The following TCAIM variants were observed in gnomAD, a reference collection of about 807,000 sequenced individuals.
TCAIM encodes T cell activation inhibitor, mitochondrial.
Under a neutral mutation model 58.6 loss-of-function variants are expected in TCAIM, and 36 were observed. The ratio of observed to expected loss-of-function variants is 0.61; its 90% CI spans 0.47 to 0.81. The LOEUF (loss-of-function observed/expected upper bound fraction) is 0.81, where lower values mean the gene tolerates loss of function less well. TCAIM is among the 30% of genes least tolerant of loss of function. The probability of loss-of-function intolerance (pLI) is 0.00; values close to 1 mark genes in which losing one functional copy is unlikely to be tolerated. For synonymous variants in TCAIM, 172 were observed against 193.6 expected (o/e 0.89, Z 0.93); for missense variants, 466 against 579.6 (o/e 0.80, Z 2.01).
At chr3:44,345,625 C>T (rs1401685966) in intron 1 of TCAIM, among the ~76,000 whole-genome samples, 3 of 151,902 alleles carry the variant, frequency 2.0e-5, no homozygotes, top group South Asian at 2.1e-4. Context: ...GGATTAGAAA[C>T]GGCTAGGAGA....
intron 6 of TCAIM, among the ~76,000 whole-genome samples, chr3:44,396,037 C>G (rs1239823629): frequency 6.6e-6 from 1 of 152,218 alleles, no homozygotes; most frequent in Admixed American, 6.5e-5. Context: ...GTAGTTGGAA[C>G]TTGAATCTAA....
intron 1 of TCAIM, among the ~76,000 whole-genome samples, chr3:44,344,312 AAATGCTTCTG>A (rs1700919222): frequency 2.0e-5 from 3 of 152,180 alleles, no homozygotes; most frequent in South Asian, 4.1e-4. Flanking sequence ...AATGCTTCTG[AAATGCTTCTG>A]AAATGTGCTA....
chr3:44,380,316 G>A (rs927288002), intron 5 of TCAIM, among the ~76,000 whole-genome samples: 9 of 152,092 alleles, frequency 5.9e-5, no homozygotes, highest in Non-Finnish European at 1.2e-4. Flanking sequence ...TATTTAAGGT[G>A]ATGGATATAC....
At chr3:44,363,920 CT>C (rs56361211) in intron 4 of TCAIM, among the ~76,000 whole-genome samples, 1,239 of 67,296 alleles carry the variant, frequency 0.018, 32 homozygotes, top group African/African-American at 0.044. Context: ...GCAAGTCTGT[CT>C]TTTTTTTTTT....
intron 8 of TCAIM, among the ~76,000 whole-genome samples, chr3:44,399,473 G>T (rs1024687666): frequency 2.6e-5 from 4 of 151,944 alleles, no homozygotes; most frequent in South Asian, 4.1e-4. Context: ...CTTCTAAAAG[G>T]CCCTGGCTTT....
At chr3:44,344,850 G>A (rs374658045) in intron 1 of TCAIM, among the ~76,000 whole-genome samples, 172 of 152,194 alleles carry the variant, frequency 1.1e-3, no homozygotes, top group African/African-American at 4.0e-3. Context: ...TGCGGGCAGG[G>A]GCGGGGGTCA....
chr3:44,392,496 G>T (rs1701854192), intron 5 of TCAIM, among the ~76,000 whole-genome samples: 1 of 152,106 alleles, frequency 6.6e-6, no homozygotes, highest in African/African-American at 2.4e-5. Context: ...CTTCAAGTGG[G>T]TCCCAGTGTC....
chr3:44,369,596 C>G (rs941788801), intron 5 of TCAIM, among the ~76,000 whole-genome samples: 5 of 152,170 alleles, frequency 3.3e-5, no homozygotes, highest in Non-Finnish European at 7.3e-5. Context: ...GCCAACTCAA[C>G]AAGATAAGTG....
Position 44,407,585 on chromosome 3 carries a change from A to G in TCAIM, c.1394A>G (p.His465Arg), listed in dbSNP as rs770867649. The change falls in exon 11 of 11, where the codon CAT becomes CGT. Residue 465 changes from histidine (H) to arginine (R), a missense_variant. Coordinates refer to ENST00000342649, the MANE Select transcript of TCAIM (RefSeq NM_173826.4). Reference protein sequence around the residue: ...RLLEQSLPYLHGMHLCISHFY... With the variant: ...RLLEQSLPYLRGMHLCISHFY... ...CTAGAACAATCACTGCCTTACCTACATGGGATGCACCTCTGCATTTCACAT... is the reference window on the plus strand; with the variant it reads ...CTAGAACAATCACTGCCTTACCTACGTGGGATGCACCTCTGCATTTCACAT... 2.5e-6 allele frequency: 4 copies of G among 1,613,910 alleles called. No homozygotes were observed. In the African/African-American group the frequency reaches 4.0e-5, roughly 16 times the overall value.
intron 5 of TCAIM, among the ~76,000 whole-genome samples, chr3:44,380,465 A>T (rs930959423): frequency 3.9e-5 from 6 of 152,156 alleles, no homozygotes; most frequent in African/African-American, 1.4e-4. Context: ...CAATGTACCA[A>T]AATTTATGGG....
At chr3:44,399,087 C>T (rs1701983711) in intron 8 of TCAIM, among the ~76,000 whole-genome samples, 2 of 151,846 alleles carry the variant, frequency 1.3e-5, no homozygotes, top group African/African-American at 4.8e-5. Flanking sequence ...TTGACTGTGG[C>T]AGTGTCACAC....
chr3:44,348,075 T>C (rs1480422696), intron 1 of TCAIM, among the ~76,000 whole-genome samples: 1 of 152,066 alleles, frequency 6.6e-6, no homozygotes, highest in East Asian at 1.9e-4. Flanking sequence ...GCACCAGAGT[T>C]GGGGAGTTTT....
chr3:44,400,626 G>A (rs1399665610), intron 9 of TCAIM, 39 bp downstream of exon 9: 22 of 1,520,316 alleles, frequency 1.4e-5, no homozygotes, highest in South Asian at 3.4e-5. Flanking sequence ...TTATTCCTTC[G>A]TCTAGGTGGG....
intron 6 of TCAIM, among the ~76,000 whole-genome samples, chr3:44,394,323 A>G (rs1020813739): frequency 1.3e-5 from 2 of 152,116 alleles, no homozygotes; most frequent in African/African-American, 2.4e-5. Flanking sequence ...CACACTAATC[A>G]TTTTCAGATT....
chr3:44,373,490 AT>A (rs1315495794), intron 5 of TCAIM, among the ~76,000 whole-genome samples: 3 of 83,376 alleles, frequency 3.6e-5, no homozygotes, highest in Non-Finnish European at 5.3e-5. Context: ...CCCCATCTCT[AT>A]TAAAAAAAAA....
intron 3 of TCAIM, among the ~76,000 whole-genome samples, chr3:44,361,146 G>T (rs538325762): frequency 6.6e-6 from 1 of 152,164 alleles, no homozygotes; most frequent in Non-Finnish European, 1.5e-5. Context: ...TACTTATATG[G>T]TTACATCTTT....
chr3:44,345,377 A>G (rs1053653185), intron 1 of TCAIM, among the ~76,000 whole-genome samples: 2 of 152,208 alleles, frequency 1.3e-5, no homozygotes, highest in African/African-American at 4.8e-5. Flanking sequence ...AGGACCCAGG[A>G]CATCCAACTA....
chr3:44,389,302 T>C (rs1490820945), intron 5 of TCAIM, among the ~76,000 whole-genome samples: 3 of 152,168 alleles, frequency 2.0e-5, no homozygotes, highest in Non-Finnish European at 4.4e-5. Context: ...AAAATAATAA[T>C]AATAAAACAG....
chr3:44,402,235 G>A (rs1031371894), intron 10 of TCAIM, among the ~76,000 whole-genome samples: 1 of 151,436 alleles, frequency 6.6e-6, no homozygotes, highest in African/African-American at 2.4e-5. Context: ...TGAAACCCTG[G>A]GCAATATGGT....
Sources: gnomAD v4.1 joint callset for allele counts (sites outside exome capture counted in the v4.1 genomes callset) on GRCh38, gnomAD v4.1.1 for gene constraint, MANE v1.5 for transcripts, NCBI Gene and HGNC (gene_info 2026-07-23, HGNC 2026-07-21) for gene names.